Variants in PARP14 observed in about 807,000 individuals in gnomAD.
The protein encoded by PARP14 is poly(ADP-ribose) polymerase family member 14.
In PARP14, 59 loss-of-function variants were observed where a neutral mutation model predicts 154.2. That is an observed-to-expected ratio of 0.38 (90% CI 0.31 to 0.48). The LOEUF is 0.48. Ranked by LOEUF, PARP14 falls within the 20% of genes least tolerant of loss-of-function variation. The probability of loss-of-function intolerance (pLI) is 0.98; values close to 1 mark genes in which losing one functional copy is unlikely to be tolerated. For missense variants in PARP14, 1,734 were observed against 2,131.6 expected, an observed-to-expected ratio of 0.81 and a Z score of 3.67; for synonymous variants, 720 against 780.5, an observed-to-expected ratio of 0.92 and a Z score of 1.29.
At chr3:122,702,168 G>A (rs1176037854) in intron 6 of PARP14, among the ~76,000 whole-genome samples, 1 of 152,166 alleles carries the variant, frequency 6.6e-6, no homozygotes, top group African/African-American at 2.4e-5. Context: ...GACAATTCTT[G>A]TAGGCTGCAG....
In PARP14 at chr3:122,713,481, C is replaced by A. The variant is rs775522073; in HGVS notation, c.3677C>A (p.Ser1226Tyr). The A allele has an allele frequency of 3.0e-5, 48 of 1,612,274 alleles. No homozygotes were observed. The Admixed American group carries it at 7.8e-4, about 26-fold the overall frequency. Residue 1226 changes from serine (S) to tyrosine (Y), a missense_variant, in exon 10 of 17, where the codon TCC (serine) becomes TAC (tyrosine). Around this residue, in one of 2 missense-constraint regions of PARP14, gnomAD observed 1,646 missense variants for 1,976.0 expected, o/e 0.83. Transcript: ENST00000474629. The stretch of plus-strand genomic sequence containing the variant: ...GGTGTGTATGAAATGAAGATTGGCT[C>A]CATCATCTTCCAGGTGGCTTCTGGA... ...DSGVYEMKIG[S>Y]IIFQVASGDI... is the part of the protein sequence containing the mutation.
At chr3:122,721,877 A>T (rs184854102) in intron 15 of PARP14, 1 of 152,386 alleles carries the variant, frequency 6.6e-6, no homozygotes, top group East Asian at 1.9e-4. Context: ...GATATAAACT[A>T]TACCTTCAGA....
At position 122,700,951 on chromosome 3, in the gene PARP14, C is replaced by T. The variant is rs1340960774; in HGVS notation, c.2397C>T (p.Ala799=). 2.5e-6 allele frequency: 4 copies of T among 1,613,952 alleles called. No individual in the cohort carries two copies. In the East Asian group the frequency reaches 6.7e-5, roughly 27 times the overall value. The part of the protein sequence containing the change: ...GQKCFSRTVL[A]PGVVLIVQQG... ...AGTGCTTCTCTCGGACAGTCTTGGCCCCTGGCGTTGTGCTGATTGTGCAGC... is the reference window on the plus strand; with the variant it reads ...AGTGCTTCTCTCGGACAGTCTTGGCTCCTGGCGTTGTGCTGATTGTGCAGC... Residue 799 remains alanine, a synonymous_variant, in exon 6 of 17, where the codon GCC becomes GCT. Coordinates refer to ENST00000474629, the MANE Select transcript of PARP14 (RefSeq NM_017554.3).
chr3:122,685,131 T>C, intron 1 of PARP14, 54 bp from the exon 2 acceptor site: 1 of 1,597,638 alleles, frequency 6.3e-7, no homozygotes, highest in Middle Eastern at 1.7e-4. Flanking sequence ...AGAATAATTT[T>C]GTAAATAAAG....
chr3:122,728,299 T>C lies in PARP14; in HGVS notation c.5117-9T>C. On this transcript the variant is annotated splice_polypyrimidine_tract_variant and intron_variant, in intron 16 of 16. Coordinates refer to ENST00000474629, the MANE Select transcript of PARP14 (RefSeq NM_017554.3). ...TTGAAATGCTTAAAAATGGTTTTTC[T>C]TTTCACAGCTGTGGCATATGGAAAG... 10 of 1,604,418 alleles carry C rather than the reference T, an allele frequency of 6.2e-6. No individual in the cohort carries two copies. The highest frequency in any genetic ancestry group is 8.5e-6 in the Non-Finnish European group (10 of 1,172,450).
In PARP14 at chr3:122,729,606, G is replaced by C. The variant is rs1390032912; in HGVS notation, c.*1009G>C. ...TGCGCTAACACACCCAGCTAATTTT[G>C]TATTTTTAGTAGAGACGAGGTTTCT... On this transcript the variant is annotated 3_prime_UTR_variant, in exon 17 of 17. Transcript: ENST00000474629. 1 of 152,036 alleles carries C rather than the reference G, an allele frequency of 6.6e-6. No homozygotes were observed. Among genetic ancestry groups the C allele is most frequent in the Non-Finnish European group, 1.5e-5 (1 of 68,026 alleles). 9.4% of individuals were successfully genotyped at this position (152,036 alleles called of 1,614,324 possible).
chr3:122,713,975 A>AT (rs773953191), intron 11 of PARP14, 41 bp downstream of exon 11: 2 of 1,424,062 alleles, frequency 1.4e-6, no homozygotes, highest in East Asian at 4.5e-5. Context: ...TTGTAATTGT[A>AT]TGGGAGGCTG....
rs759759862 is a variant in PARP14, at chr3:122,700,750, G to A, written c.2196G>A (p.Lys732=). ...TACTGAAGGCAGTGGACATTGTCAAGCAAGTCTGGGATTCAGTCTGTGTTA... is the reference window on the plus strand; with the variant it reads ...TACTGAAGGCAGTGGACATTGTCAAACAAGTCTGGGATTCAGTCTGTGTTA... The part of the protein sequence containing the change: ...TEVLKAVDIV[K]QVWDSVCVKS... The change falls in exon 6 of 17, where the codon AAG becomes AAA. Residue 732 remains lysine (K), a synonymous_variant. Transcript: ENST00000474629. The A allele has an allele frequency of 2.9e-5, 46 of 1,613,316 alleles. No homozygotes were observed. The highest frequency in any genetic ancestry group is 3.7e-5 in the Non-Finnish European group (44 of 1,179,650).
intron 6 of PARP14, 48 bp from the exon 7 acceptor site, chr3:122,703,694 A>C: frequency 8.7e-7 from 1 of 1,145,136 alleles, no homozygotes; most frequent in Non-Finnish European, 1.2e-6. Context: ...ATCATTGATG[A>C]ATGCTTTTTG....
chr3:122,715,613 T>A lies in PARP14; in HGVS notation c.4000+1184T>A, dbSNP rs533217903. Among the ~76,000 whole-genome samples the A allele has an allele frequency of 1.0e-4, 13 of 127,714 alleles. No homozygotes were observed. The South Asian group carries it at 2.6e-3, about 25-fold the overall frequency. The allele number at this position is 127,714 out of a possible 152,430, so 83.8% of individuals were successfully genotyped here. ...TACCAGTCATCTATCTATCTATCTA[T>A]CTATCTATCTATCTATCTATCTATC... On this transcript the variant is annotated intron_variant, in intron 12 of 16. Coordinates refer to ENST00000474629, the MANE Select transcript of PARP14 (RefSeq NM_017554.3).
At chr3:122,719,941 C>A (rs564921536) in intron 14 of PARP14, among the ~76,000 whole-genome samples, 1 of 152,328 alleles carries the variant, frequency 6.6e-6, no homozygotes, top group South Asian at 2.1e-4. Flanking sequence ...ACAGAAAACA[C>A]AGATGAGTTA....
intron 14 of PARP14, 64 bp downstream of exon 14, chr3:122,719,022 G>A: frequency 7.2e-7 from 1 of 1,386,954 alleles, no homozygotes. Flanking sequence ...AACACTATTT[G>A]GTACGTACAT....
At chr3:122,713,983 C>A in intron 11 of PARP14, 49 bp downstream of exon 11, 1 of 1,343,240 alleles carries the variant, frequency 7.4e-7, no homozygotes, top group Non-Finnish European at 1.1e-6. Flanking sequence ...GTATGGGAGG[C>A]TGTGGAGAGG....
At chr3:122,695,340 A>G (rs950666222) in intron 4 of PARP14, 86 bp from the exon 5 acceptor site, 2 of 694,752 alleles carry the variant, frequency 2.9e-6, no homozygotes, top group Admixed American at 2.9e-5. Context: ...TTTTATTTCA[A>G]TTAGTAGCCA....
At chr3:122,687,299 C>T (rs1938402899) in intron 3 of PARP14, among the ~76,000 whole-genome samples, 186 bp downstream of exon 3, 1 of 152,216 alleles carries the variant, frequency 6.6e-6, no homozygotes, top group East Asian at 1.9e-4. Flanking sequence ...GCTTTTAGCG[C>T]TCAGGTCATA....
chr3:122,704,507 A>G lies in PARP14; in HGVS notation c.3319-20A>G. 1 of 1,455,236 alleles carries G rather than the reference A, an allele frequency of 6.9e-7. No individual in the cohort carries two copies. The highest frequency in any genetic ancestry group is 2.3e-5 in the East Asian group (1 of 43,520). The allele number at this position is 1,455,236 out of a possible 1,614,324, so 90.1% of individuals were successfully genotyped here. A position where few individuals can be genotyped will look rare whatever the true frequency, so the allele number is the denominator to read the frequency against. On this transcript the variant is annotated intron_variant, in intron 7 of 16. Transcript: ENST00000474629. ...CCATTTCTAGACAAGATGTATAAGG[A>G]TGTGCTTTGTGCGTTTCAGATAATG...
intron 12 of PARP14, among the ~76,000 whole-genome samples, chr3:122,715,651 T>G (rs888258766): frequency 2.3e-4 from 33 of 141,768 alleles, no homozygotes; most frequent in African/African-American, 7.1e-4. Context: ...TCTATCTATC[T>G]ATCGATCTGT....
At chr3:122,683,984 AC>A (rs1938294468) in intron 1 of PARP14, among the ~76,000 whole-genome samples, 2 of 152,202 alleles carry the variant, frequency 1.3e-5, no homozygotes, top group African/African-American at 4.8e-5. Flanking sequence ...TTGTGTGGAA[AC>A]ATCTGCCCTC....
Position 122,718,638 on chromosome 3 carries a change from A to C in PARP14, c.4487A>C (p.Lys1496Thr), listed in dbSNP as rs1179519312. 6.2e-7 allele frequency: 1 copy of C among 1,613,972 alleles called. No individual in the cohort carries two copies. The highest frequency in any genetic ancestry group is 8.5e-7 in the Non-Finnish European group (1 of 1,179,862). The change falls in exon 14 of 17, where the codon AAG becomes ACG. Residue 1496 changes from lysine (K) to threonine (T), a missense_variant. Physicochemically the swap from Lys to Thr is moderately conservative, Grantham distance 78 (BLOSUM62 -1). Around this residue, in one of 2 missense-constraint regions of PARP14, gnomAD observed 1,646 missense variants for 1,976.0 expected, o/e 0.83. Transcript: ENST00000474629. ...CTGGACCATAAGAGACCTTTGATTAAGGTTTTGGGAATTAGCAGAGATGTG... is the reference window on the plus strand; with the variant it reads ...CTGGACCATAAGAGACCTTTGATTACGGTTTTGGGAATTAGCAGAGATGTG... ...ISLDHKRPLIKVLGISRDVMQ... is the reference protein window; with the variant it reads ...ISLDHKRPLITVLGISRDVMQ...
Sources: allele counts gnomAD v4.1 joint callset (sites outside exome capture counted in the v4.1 genomes callset), GRCh38; gene constraint gnomAD v4.1.1; regional missense constraint gnomAD v4.1.1; transcripts MANE v1.5; gene names NCBI Gene and HGNC (gene_info 2026-07-23, HGNC 2026-07-21).